DLC1: variants seen among roughly 807,000 people sequenced by gnomAD.
DLC1 encodes the protein rho GTPase-activating protein 7.
A neutral mutation model predicts 140.3 loss-of-function variants in DLC1; 54 were observed. The ratio of observed to expected loss-of-function variants is 0.38; its 90% CI spans 0.31 to 0.48. The LOEUF (loss-of-function observed/expected upper bound fraction) is 0.48. Ranked by LOEUF, DLC1 falls within the 20% of genes least tolerant of loss-of-function variation. The pLI, the probability that DLC1 is intolerant of heterozygous loss-of-function variation, is 0.96. For synonymous variants in DLC1, 986 were observed against 728.1 expected (o/e 1.35, Z -5.70); for missense variants, 2,536 against 1,907.0 (o/e 1.33, Z -6.14).
Position 13,499,170 on chromosome 8 carries a change from TG to T in DLC1, c.901del (p.Gln301AsnfsTer21). 1 of 1,614,222 alleles carries T rather than the reference TG, an allele frequency of 6.2e-7. No homozygotes were observed. Among genetic ancestry groups the T allele is most frequent in the Non-Finnish European group, 8.5e-7 (1 of 1,180,020 alleles). ...CTTTGGTGGACTTTTGTTTTGATGT[TG>T]TGAAAAACCACTCTTCTCCAGGCCA... ...ENGLEKSGFS[Q>X]HQNKSPPKVK... On this transcript the variant is annotated frameshift_variant, in exon 2 of 18. Coordinates refer to ENST00000276297, the MANE Select transcript of DLC1 (RefSeq NM_182643.3). LOFTEE classifies it high-confidence loss of function.
rs1252499122 is a variant in DLC1 at position 13,453,404 on chromosome 8, G to GTATATATATA, written c.1023+45635_1023+45644dup. Reference sequence around the variant, plus strand: ...TGGCCCAGGATATATATATATATGTGTATATATATATATATATATGTGTAT... The same window carrying GTATATATATA: ...TGGCCCAGGATATATATATATATGTGTATATATATATATATATATATATATATATGTGTAT... On this transcript the variant is annotated intron_variant, in intron 2 of 17. Transcript: ENST00000276297. 4.4e-4 allele frequency among the ~76,000 whole-genome samples: 10 copies of GTATATATATA among 22,962 alleles called. 1 individual carries two copies. Among genetic ancestry groups the GTATATATATA allele is most frequent in the African/African-American group, 6.1e-4 (3 of 4,910 alleles). 15.1% of individuals were successfully genotyped at this position (22,962 alleles called of 152,430 possible).
At chr8:13,507,113 A>G (rs1368339284) in intron 1 of DLC1, among the ~76,000 whole-genome samples, 3 of 152,176 alleles carry the variant, frequency 2.0e-5, no homozygotes, top group Admixed American at 2.0e-4. Flanking sequence ...CATTACAAAG[A>G]GCATTTGTGG....
intron 4 of DLC1, among the ~76,000 whole-genome samples, chr8:13,377,825 A>T (rs1836069176): frequency 6.6e-6 from 1 of 151,968 alleles, no homozygotes; most frequent in African/African-American, 2.4e-5. Flanking sequence ...AATTTGTGTA[A>T]ATCTATTGGC....
At chr8:13,486,818 G>A (rs879612734) in intron 2 of DLC1, among the ~76,000 whole-genome samples, 3 of 152,290 alleles carry the variant, frequency 2.0e-5, no homozygotes, top group African/African-American at 4.8e-5. Context: ...ACAACAAAAC[G>A]AAGGCAAAAT....
At chr8:13,175,631 A>T (rs550842677) in intron 5 of DLC1, among the ~76,000 whole-genome samples, 22 of 152,218 alleles carry the variant, frequency 1.4e-4, no homozygotes, top group Non-Finnish European at 2.9e-4. Context: ...ACTTCTCTCA[A>T]TGTGCACTAT....
At chr8:13,559,245 A>C (rs1411800831) in intron 1 of DLC1, 2 of 152,272 alleles carry the variant, frequency 1.3e-5, no homozygotes, top group Non-Finnish European at 2.9e-5. Flanking sequence ...GCATGGGCGC[A>C]AAGAATGAGC....
intron 1 of DLC1, among the ~76,000 whole-genome samples, chr8:13,544,162 C>G (rs62492095): frequency 6.6e-6 from 1 of 150,992 alleles, no homozygotes; most frequent in Non-Finnish European, 1.5e-5. Context: ...TTCTCTCTCT[C>G]TCCTCTCTTT....
intron 5 of DLC1, among the ~76,000 whole-genome samples, chr8:13,198,798 C>A (rs1319289771): frequency 6.6e-6 from 1 of 151,532 alleles, no homozygotes; most frequent in Non-Finnish European, 1.5e-5. Context: ...CTCACTGCAA[C>A]CCCTACCTCC....
At chr8:13,333,452 T>C (rs1164970546) in intron 4 of DLC1, among the ~76,000 whole-genome samples, 1 of 152,164 alleles carries the variant, frequency 6.6e-6, no homozygotes, top group Non-Finnish European at 1.5e-5. Context: ...TCTCATTGTT[T>C]TGTCCTGGTT....
rs569409116 is a variant in DLC1 at position 13,137,878 on chromosome 8, G to A, written c.1349-22221C>T. Among the ~76,000 whole-genome samples, 17 of 152,120 alleles carry A rather than the reference G, an allele frequency of 1.1e-4. No individual in the cohort carries two copies. In the East Asian group the frequency reaches 2.5e-3, roughly 23 times the overall value. On this transcript the variant is annotated intron_variant, in intron 5 of 17. Coordinates refer to ENST00000276297, the MANE Select transcript of DLC1 (RefSeq NM_182643.3). ...CTCCCAAAGTGCTGGGATTACAGGTGTGAGCCACCGCACCTGGCCAGACAT... is the reference window on the plus strand; with the variant it reads ...CTCCCAAAGTGCTGGGATTACAGGTATGAGCCACCGCACCTGGCCAGACAT...
At chr8:13,298,629 T>C (rs1832057243) in intron 5 of DLC1, among the ~76,000 whole-genome samples, 1 of 152,162 alleles carries the variant, frequency 6.6e-6, no homozygotes, top group South Asian at 2.1e-4. Context: ...AGACGTAGCT[T>C]TTTAGGAGCA....
chr8:13,149,334 G>C (rs572179264), intron 5 of DLC1, among the ~76,000 whole-genome samples: 1 of 152,030 alleles, frequency 6.6e-6, no homozygotes, highest in Non-Finnish European at 1.5e-5. Context: ...GGCAACTCTG[G>C]TGCCTCATTG....
chr8:13,449,019 T>C (rs1378007076), intron 2 of DLC1, among the ~76,000 whole-genome samples: 1 of 152,164 alleles, frequency 6.6e-6, no homozygotes, highest in Non-Finnish European at 1.5e-5. Flanking sequence ...ATGCCTGTTT[T>C]CAGGCATTTC....
chr8:13,391,763 A>C (rs1013661950), intron 4 of DLC1, among the ~76,000 whole-genome samples: 3 of 152,290 alleles, frequency 2.0e-5, no homozygotes, highest in Admixed American at 2.0e-4. Flanking sequence ...TGTATGTTCC[A>C]AGAGAGAAAG....
At chr8:13,515,051 T>C (rs1265366903), upstream of DLC1, among the ~76,000 whole-genome samples, 9 of 152,126 alleles carry the variant, frequency 5.9e-5, no homozygotes, top group Admixed American at 5.9e-4. Context: ...TGATTAGCTG[T>C]AGAGTCATAA....
chr8:13,486,064 A>G (rs1306074114), intron 2 of DLC1, among the ~76,000 whole-genome samples: 1 of 152,216 alleles, frequency 6.6e-6, no homozygotes, highest in Admixed American at 6.5e-5. Context: ...CAATCCAAAC[A>G]CTGTGAACAT....
intron 5 of DLC1, among the ~76,000 whole-genome samples, chr8:13,185,283 G>GGT (rs1554464328): frequency 3.1e-5 from 4 of 130,840 alleles, no homozygotes; most frequent in South Asian, 2.6e-4. Context: ...TGTCTTTTCT[G>GGT]TTTTTTTTGT....
rs750735002 is a variant in DLC1 at position 13,499,865 on chromosome 8, C to G, written c.207G>C (p.Glu69Asp). 5 of 1,613,986 alleles carry G rather than the reference C, an allele frequency of 3.1e-6. No homozygotes were observed. The African/African-American group carries it at 4.0e-5, about 13-fold the overall frequency. ...VSLPDCCHGS[E>D]LRDFPGRPMG... Reference sequence around the variant, plus strand: ...TTGGCCTCCCAGGAAAATCTCTCAGCTCTGATCCATGACAGCAGTCAGGTA... The same window carrying G: ...TTGGCCTCCCAGGAAAATCTCTCAGGTCTGATCCATGACAGCAGTCAGGTA... The change falls in exon 2 of 18, where the codon GAG becomes GAC. Residue 69 changes from glutamate to aspartate, a missense_variant. Coordinates refer to ENST00000276297, the MANE Select transcript of DLC1 (RefSeq NM_182643.3).
At chr8:13,125,453 C>G (rs1331389546) in intron 5 of DLC1, among the ~76,000 whole-genome samples, 1 of 152,178 alleles carries the variant, frequency 6.6e-6, no homozygotes, top group Non-Finnish European at 1.5e-5. Context: ...TTTTACTTTC[C>G]TTATTGATCT....
Sources: allele counts gnomAD v4.1 joint callset (sites outside exome capture counted in the v4.1 genomes callset), GRCh38; gene constraint gnomAD v4.1.1; transcripts MANE v1.5; gene names NCBI Gene and HGNC (gene_info 2026-07-23, HGNC 2026-07-21).